The following PRIMA1 variants were observed in gnomAD, a reference collection of about 807,000 sequenced individuals.
The protein encoded by PRIMA1 is proline rich membrane anchor 1.
In PRIMA1, 7 loss-of-function variants were observed where a neutral mutation model predicts 17.5. The ratio of observed to expected loss-of-function variants is 0.40; its 90% confidence interval spans 0.23 to 0.75. PRIMA1 has a LOEUF of 0.75. Ranked by LOEUF, PRIMA1 falls within the 30% of genes least tolerant of loss-of-function variation. The pLI is 0.37. For synonymous variants in PRIMA1, 97 were observed against 77.9 expected, an observed-to-expected ratio of 1.25 and a Z score of -1.29; for missense variants, 200 against 201.8, an observed-to-expected ratio of 0.99 and a Z score of 0.05.
chr14:93,724,454 T>G (rs2076061825), intron 4 of PRIMA1, among the ~76,000 whole-genome samples: 1 of 152,170 alleles, frequency 6.6e-6, no homozygotes, highest in Non-Finnish European at 1.5e-5. Context: ...GCCCTGGGCC[T>G]TTTGCTCCCT....
intron 4 of PRIMA1, among the ~76,000 whole-genome samples, chr14:93,728,716 G>A (rs542768811): frequency 1.1e-4 from 16 of 152,286 alleles, no homozygotes; most frequent in African/African-American, 2.2e-4. Flanking sequence ...GCAGGGATCC[G>A]TCTGGGTCTC....
intron 3 of PRIMA1, among the ~76,000 whole-genome samples, chr14:93,754,528 C>T (rs536963205): frequency 7.9e-5 from 12 of 152,152 alleles, no homozygotes; most frequent in East Asian, 1.9e-4. Context: ...TAAACTCAAC[C>T]GAAGAGACTG....
At chr14:93,779,676 AGT>A (rs1459032067) in intron 2 of PRIMA1, among the ~76,000 whole-genome samples, 1 of 152,162 alleles carries the variant, frequency 6.6e-6, no homozygotes, top group Non-Finnish European at 1.5e-5. Context: ...ACATTTGGAG[AGT>A]GAGACCCTTT....
intron 3 of PRIMA1, among the ~76,000 whole-genome samples, chr14:93,774,765 C>T (rs1885162646): frequency 6.6e-6 from 1 of 152,228 alleles, no homozygotes; most frequent in African/African-American, 2.4e-5. Flanking sequence ...ACAGGCTGCT[C>T]TTCATCAGAA....
intron 4 of PRIMA1, among the ~76,000 whole-genome samples, chr14:93,734,892 C>T (rs572173489): frequency 9.8e-5 from 15 of 152,318 alleles, no homozygotes; most frequent in African/African-American, 3.4e-4. Context: ...GGAGGCCCCT[C>T]TATAGCTGCT....
intron 3 of PRIMA1, among the ~76,000 whole-genome samples, chr14:93,742,605 G>A (rs2076191146): frequency 6.6e-6 from 1 of 152,180 alleles, no homozygotes; most frequent in Non-Finnish European, 1.5e-5. Context: ...GGGCAGGGTA[G>A]GGGAGGTGGA....
chr14:93,761,246 G>A (rs746615922), intron 3 of PRIMA1, among the ~76,000 whole-genome samples: 4 of 152,158 alleles, frequency 2.6e-5, no homozygotes, highest in African/African-American at 4.8e-5. Flanking sequence ...AACTATTCTG[G>A]AGGCTGAGGC....
chr14:93,741,493 T>C (rs139869199), intron 3 of PRIMA1, among the ~76,000 whole-genome samples: 26 of 152,374 alleles, frequency 1.7e-4, no homozygotes, highest in African/African-American at 6.3e-4. Context: ...CAGTCATTTG[T>C]TCATCCAGCA....
chr14:93,779,033 A>C, intron 3 of PRIMA1, 143 bp downstream of exon 3: 1 of 602,438 alleles, frequency 1.7e-6, no homozygotes, highest in Non-Finnish European at 2.9e-6. Context: ...ACTGCAGGGG[A>C]AAGTTGGGCC....
chr14:93,761,907 G>C (rs1884737720), intron 3 of PRIMA1, among the ~76,000 whole-genome samples: 1 of 152,178 alleles, frequency 6.6e-6, no homozygotes, highest in Non-Finnish European at 1.5e-5. Flanking sequence ...ACCAAGAGTG[G>C]CTCTTGCCTC....
chr14:93,786,403 C>A (rs1885524492), intron 2 of PRIMA1, among the ~76,000 whole-genome samples: 1 of 152,190 alleles, frequency 6.6e-6, no homozygotes, highest in Non-Finnish European at 1.5e-5. Context: ...GCGTCTGAAC[C>A]TGGCTATCGA....
intron 3 of PRIMA1, among the ~76,000 whole-genome samples, chr14:93,771,854 AG>A (rs989754624): frequency 6.6e-6 from 1 of 152,140 alleles, no homozygotes; most frequent in African/African-American, 2.4e-5. Context: ...AGGAAAGGAA[AG>A]GGGGGTCCCT....
intron 3 of PRIMA1, among the ~76,000 whole-genome samples, chr14:93,766,604 C>T (rs1248365724): frequency 6.6e-6 from 1 of 152,212 alleles, no homozygotes; most frequent in African/African-American, 2.4e-5. Context: ...TCACTCTAGT[C>T]ATCACTGCAT....
chr14:93,754,399 G>C (rs1433839851), intron 3 of PRIMA1, among the ~76,000 whole-genome samples: 1 of 148,510 alleles, frequency 6.7e-6, no homozygotes, highest in African/African-American at 2.5e-5. Context: ...CCTTGGTCCA[G>C]CATAAAAGAT....
chr14:93,773,205 C>T (rs1885117857), intron 3 of PRIMA1, among the ~76,000 whole-genome samples: 1 of 152,210 alleles, frequency 6.6e-6, no homozygotes, highest in Non-Finnish European at 1.5e-5. Flanking sequence ...CCAGGATGGC[C>T]TGGATAATTT....
chr14:93,747,436 A>G (rs1281688440), intron 3 of PRIMA1, among the ~76,000 whole-genome samples: 1 of 152,152 alleles, frequency 6.6e-6, no homozygotes, highest in Non-Finnish European at 1.5e-5. Flanking sequence ...AATGGTGGGG[A>G]TGCACAACTC....
rs2076036130 is a variant in PRIMA1 at position 93,721,295 on chromosome 14, A to G, written c.*149T>C. On this transcript the variant is annotated 3_prime_UTR_variant, in exon 5 of 5. Coordinates refer to ENST00000393140, the MANE Select transcript of PRIMA1 (RefSeq NM_178013.4). ...AGGCTGACCAGGGGCAAGCCTGGGAAGACAATGGTTTCTCCTTCGGGAGGC... is the reference window on the plus strand; with the variant it reads ...AGGCTGACCAGGGGCAAGCCTGGGAGGACAATGGTTTCTCCTTCGGGAGGC... 5 of 594,566 alleles carry G rather than the reference A, an allele frequency of 8.4e-6. No homozygotes were observed. The highest frequency in any genetic ancestry group is 6.2e-5 in the Admixed American group (2 of 32,168). 36.8% of individuals were successfully genotyped at this position (594,566 alleles called of 1,614,324 possible).
intron 3 of PRIMA1, among the ~76,000 whole-genome samples, chr14:93,751,394 G>A (rs988129712): frequency 6.6e-6 from 1 of 152,156 alleles, no homozygotes; most frequent in Non-Finnish European, 1.5e-5. Context: ...TACCACTTCC[G>A]TTGCCTCCTC....
At chr14:93,741,986 G>A (rs1293653897) in intron 3 of PRIMA1, among the ~76,000 whole-genome samples, 2 of 152,206 alleles carry the variant, frequency 1.3e-5, no homozygotes, top group Non-Finnish European at 1.5e-5. Context: ...GGCAACCAGA[G>A]AGAGCAACTG....
Sources: gnomAD v4.1 joint callset for allele counts (sites outside exome capture counted in the v4.1 genomes callset) on GRCh38, gnomAD v4.1.1 for gene constraint, MANE v1.5 for transcripts, NCBI Gene and HGNC (gene_info 2026-07-23, HGNC 2026-07-21) for gene names.